Variants in PHLPP1 observed in about 807,000 individuals in gnomAD.
PHLPP1 encodes the protein PH domain leucine-rich repeat-containing protein phosphatase 1.
PHLPP1 carries 42 observed loss-of-function variants against 117.2 expected under a neutral mutation model. That is an observed-to-expected ratio of 0.36 (90% CI 0.28 to 0.46). The LOEUF (loss-of-function observed/expected upper bound fraction) is 0.46. Among genes scored for constraint, PHLPP1 ranks in the 20% least tolerant of loss-of-function variants. The pLI is 1.00. For synonymous variants in PHLPP1, 1,042 were observed against 970.7 expected, an observed-to-expected ratio of 1.07 and a Z score of -1.37; for missense variants, 2,084 against 2,241.9, an observed-to-expected ratio of 0.93 and a Z score of 1.42.
intron 1 of PHLPP1, among the ~76,000 whole-genome samples, chr18:62,757,184 A>G (rs947374878): frequency 1.3e-5 from 2 of 152,244 alleles, no homozygotes; most frequent in East Asian, 3.8e-4. Flanking sequence ...CAAGGCCTCA[A>G]TACATAATCT....
chr18:62,795,702 G>T (rs1913611940), intron 1 of PHLPP1, among the ~76,000 whole-genome samples: 1 of 152,074 alleles, frequency 6.6e-6, no homozygotes, highest in Non-Finnish European at 1.5e-5. Flanking sequence ...GCTGCAGAAA[G>T]CATAGACATC....
At position 62,954,223 on chromosome 18, in the gene PHLPP1, C is replaced by G. The variant is rs375047495; in HGVS notation, c.3325-4406C>G. Among the ~76,000 whole-genome samples, 27 of 152,108 alleles carry G rather than the reference C, an allele frequency of 1.8e-4. No individual in the cohort carries two copies. The East Asian group carries it at 2.5e-3, about 14-fold the overall frequency. ...TGCATAATTTTTTGGGCATTCTTAC[C>G]AGAATTTTGATTATAACAAAGTAAT... On this transcript the variant is annotated intron_variant, in intron 12 of 16. Transcript: ENST00000262719.
intron 1 of PHLPP1, among the ~76,000 whole-genome samples, chr18:62,765,178 C>T (rs1912425281): frequency 6.6e-6 from 1 of 152,204 alleles, no homozygotes; most frequent in Non-Finnish European, 1.5e-5. Flanking sequence ...CACTCCAAAG[C>T]TGACCTTTTT....
chr18:62,840,306 T>C (rs1292485356), intron 3 of PHLPP1, among the ~76,000 whole-genome samples: 1 of 152,180 alleles, frequency 6.6e-6, no homozygotes, highest in African/African-American at 2.4e-5. Context: ...TTGATAGGGC[T>C]TAGAAAATTC....
At chr18:62,962,568 C>G (rs913629740) in intron 13 of PHLPP1, among the ~76,000 whole-genome samples, 1 of 152,202 alleles carries the variant, frequency 6.6e-6, no homozygotes, top group Admixed American at 6.5e-5. Flanking sequence ...CTTGGCCTCC[C>G]AAAGTGCTGG....
intron 1 of PHLPP1, among the ~76,000 whole-genome samples, chr18:62,736,916 G>A (rs1333684938): frequency 6.6e-6 from 1 of 152,138 alleles, no homozygotes. Context: ...ATAAATGCTA[G>A]CACTAGCTAT....
At chr18:62,799,812 C>T (rs1222234901) in intron 1 of PHLPP1, among the ~76,000 whole-genome samples, 1 of 152,166 alleles carries the variant, frequency 6.6e-6, no homozygotes, top group African/African-American at 2.4e-5. Context: ...TGCTTATAAA[C>T]AGAACATATC....
At chr18:62,759,905 T>C (rs1912158456) in intron 1 of PHLPP1, among the ~76,000 whole-genome samples, 3 of 152,230 alleles carry the variant, frequency 2.0e-5, no homozygotes, top group Admixed American at 6.5e-5. Context: ...ATGAAATATA[T>C]AGTTAGTGAC....
intron 7 of PHLPP1, among the ~76,000 whole-genome samples, 195 bp downstream of exon 7, chr18:62,903,361 A>T (rs1426555038): frequency 6.6e-6 from 1 of 152,070 alleles, no homozygotes; most frequent in Non-Finnish European, 1.5e-5. Flanking sequence ...ATTGTCCCTA[A>T]TTTTTTTCTC....
At chr18:62,921,947 A>ACT (rs1188501269) in intron 10 of PHLPP1, among the ~76,000 whole-genome samples, 1 of 152,208 alleles carries the variant, frequency 6.6e-6, no homozygotes, top group African/African-American at 2.4e-5. Flanking sequence ...TTTTCAGTGT[A>ACT]CTCATGTAAG....
chr18:62,939,062 C>T (rs1910055785), intron 10 of PHLPP1, among the ~76,000 whole-genome samples: 1 of 144,834 alleles, frequency 6.9e-6, no homozygotes, highest in Admixed American at 7.3e-5. Flanking sequence ...GCAGTCTTGG[C>T]TCATTGCAAC....
At chr18:62,872,986 C>CAAAAAAAAAA (rs60920082) in intron 4 of PHLPP1, among the ~76,000 whole-genome samples, 3 of 54,804 alleles carry the variant, frequency 5.5e-5, no homozygotes, top group African/African-American at 1.7e-4. Flanking sequence ...AACTCTGCCT[C>CAAAAAAAAAA]AAAAAAAAAA....
intron 2 of PHLPP1, chr18:62,832,106 G>T (rs1171317662): frequency 2.6e-5 from 4 of 152,220 alleles, no homozygotes; most frequent in African/African-American, 9.6e-5. Flanking sequence ...GATGCTGGGT[G>T]TTTGCATAGG....
At chr18:62,795,954 C>T (rs1172309991) in intron 1 of PHLPP1, among the ~76,000 whole-genome samples, 1 of 152,178 alleles carries the variant, frequency 6.6e-6, no homozygotes, top group East Asian at 1.9e-4. Context: ...CTATGTCATC[C>T]TTCTACTCAG....
intron 16 of PHLPP1, among the ~76,000 whole-genome samples, chr18:62,976,879 C>T (rs138176900): frequency 1.7e-4 from 26 of 152,254 alleles, no homozygotes; most frequent in African/African-American, 6.0e-4. Context: ...GCTGTCTGCC[C>T]ACGTCATTTT....
At chr18:62,942,729 C>T (rs1910165256) in intron 11 of PHLPP1, among the ~76,000 whole-genome samples, 1 of 152,030 alleles carries the variant, frequency 6.6e-6, no homozygotes, top group Admixed American at 6.6e-5. Context: ...ATCAAAGAAA[C>T]AAACACTAAC....
At chr18:62,811,300 A>G (rs1453792684) in intron 1 of PHLPP1, among the ~76,000 whole-genome samples, 3 of 152,212 alleles carry the variant, frequency 2.0e-5, no homozygotes, top group Admixed American at 6.5e-5. Context: ...ACAATCTTGA[A>G]CAATAAAGAA....
intron 3 of PHLPP1, 101 bp downstream of exon 3, chr18:62,839,010 T>C: frequency 1.6e-6 from 2 of 1,250,832 alleles, no homozygotes; most frequent in South Asian, 1.6e-5. Context: ...TACACACACT[T>C]TTTTTTTCCT....
At chr18:62,852,618 C>T (rs1286926879) in intron 3 of PHLPP1, among the ~76,000 whole-genome samples, 2 of 152,214 alleles carry the variant, frequency 1.3e-5, no homozygotes, top group Non-Finnish European at 2.9e-5. Flanking sequence ...GCTGGGATTA[C>T]AGGCGTGAGC....
Sources: allele counts gnomAD v4.1 joint callset (sites outside exome capture counted in the v4.1 genomes callset), GRCh38; gene constraint gnomAD v4.1.1; transcripts MANE v1.5; gene names NCBI Gene and HGNC (gene_info 2026-07-23, HGNC 2026-07-21).